SPIDR: variants seen among roughly 807,000 people sequenced by gnomAD.
SPIDR encodes the protein DNA repair-scaffolding protein.
A neutral mutation model predicts 104.6 loss-of-function variants in SPIDR; 93 were observed. The ratio of observed to expected loss-of-function variants is 0.89; its 90% CI spans 0.75 to 1.06. The LOEUF is 1.06. Among genes scored for constraint, SPIDR ranks in the 50% least tolerant of loss-of-function variants. The pLI, the probability that SPIDR is intolerant of heterozygous loss-of-function variation, is 0.00. For synonymous variants in SPIDR, 431 were observed against 416.9 expected, an observed-to-expected ratio of 1.03 and a Z score of -0.41; for missense variants, 1,154 against 1,111.2, an observed-to-expected ratio of 1.04 and a Z score of -0.55.
chr8:47,488,555 C>G lies in SPIDR; in HGVS notation c.1097+48013C>G, dbSNP rs191246649. On this transcript the variant is annotated intron_variant, in intron 8 of 19. Transcript: ENST00000297423. ...CCTGGCAGAGACACACAAAAAAAGA[C>G]AATTTTAGACCAATATCCCTGATGA... Among the ~76,000 whole-genome samples the G allele has an allele frequency of 2.2e-3, 331 of 152,170 alleles. 1 individual carries two copies. The highest frequency in any genetic ancestry group is 7.7e-3 in the African/African-American group (321 of 41,536).
chr8:47,388,763 T>C (rs1554649760), intron 5 of SPIDR, among the ~76,000 whole-genome samples: 1 of 152,192 alleles, frequency 6.6e-6, no homozygotes, highest in African/African-American at 2.4e-5. Context: ...CAGAGACATA[T>C]TTGTTCTCTG....
At chr8:47,623,927 A>G (rs2065565890) in intron 10 of SPIDR, among the ~76,000 whole-genome samples, 1 of 152,240 alleles carries the variant, frequency 6.6e-6, no homozygotes, top group Admixed American at 6.5e-5. Flanking sequence ...AATCAACAGA[A>G]TATACATTCT....
chr8:47,443,624 A>AT (rs1239704715), intron 8 of SPIDR, among the ~76,000 whole-genome samples: 1 of 150,674 alleles, frequency 6.6e-6, no homozygotes, highest in Non-Finnish European at 1.5e-5. Flanking sequence ...AACCAAAATA[A>AT]TTTTTTAAAG....
intron 5 of SPIDR, among the ~76,000 whole-genome samples, chr8:47,352,289 A>AAG (rs1554622940): frequency 4.4e-4 from 67 of 151,924 alleles, no homozygotes; most frequent in Non-Finnish European, 8.0e-4. Context: ...AAAAAAAAAA[A>AAG]AAAGAAAGAA....
At chr8:47,491,826 G>A (rs1351986579) in intron 8 of SPIDR, among the ~76,000 whole-genome samples, 3 of 152,050 alleles carry the variant, frequency 2.0e-5, no homozygotes, top group African/African-American at 7.2e-5. Context: ...TCCAGCCTGG[G>A]CAACATAGTG....
At chr8:47,321,842 G>A (rs1021688691) in intron 5 of SPIDR, among the ~76,000 whole-genome samples, 1 of 152,140 alleles carries the variant, frequency 6.6e-6, no homozygotes, top group African/African-American at 2.4e-5. Flanking sequence ...CAAGAAATGG[G>A]AAAACGATTC....
intron 8 of SPIDR, among the ~76,000 whole-genome samples, chr8:47,587,405 G>C (rs2060362650): frequency 6.6e-6 from 1 of 151,864 alleles, no homozygotes; most frequent in Middle Eastern, 3.4e-3. Context: ...GGACTTCAAG[G>C]CCAGTCTGGC....
At chr8:47,488,271 G>C (rs1281270765) in intron 8 of SPIDR, among the ~76,000 whole-genome samples, 1 of 152,098 alleles carries the variant, frequency 6.6e-6, no homozygotes, top group Non-Finnish European at 1.5e-5. Context: ...ATAAATTCCT[G>C]GACACATACA....
intron 7 of SPIDR, among the ~76,000 whole-genome samples, chr8:47,427,191 A>T (rs2066547242): frequency 6.6e-6 from 1 of 151,450 alleles, no homozygotes; most frequent in Admixed American, 6.6e-5. Context: ...TTCACATTAT[A>T]TAATGGGTTG....
intron 8 of SPIDR, among the ~76,000 whole-genome samples, chr8:47,582,908 ACG>A (rs1164897077): frequency 2.6e-5 from 4 of 151,610 alleles, no homozygotes; most frequent in African/African-American, 9.7e-5. Context: ...ACACACACAC[ACG>A]TATATTTTTA....
intron 8 of SPIDR, among the ~76,000 whole-genome samples, chr8:47,593,801 TGCTGACACCACCCTG>T (rs1045980001): frequency 3.9e-5 from 6 of 152,176 alleles, no homozygotes; most frequent in South Asian, 2.1e-4. Context: ...GCTAAGCCTC[TGCTGACACCACCCTG>T]GCTGGGAGGG....
At chr8:47,455,034 C>G (rs1554708934) in intron 8 of SPIDR, among the ~76,000 whole-genome samples, 2 of 151,714 alleles carry the variant, frequency 1.3e-5, no homozygotes, top group African/African-American at 4.8e-5. Context: ...AATTTGAAGC[C>G]AAAAGAAAAA....
intron 8 of SPIDR, among the ~76,000 whole-genome samples, chr8:47,594,176 A>G (rs2154421808): frequency 7.7e-6 from 1 of 129,932 alleles, no homozygotes; most frequent in Non-Finnish European, 1.6e-5. Flanking sequence ...CCTGGTCACC[A>G]TGATGAAACC....
chr8:47,698,652 T>A (rs1029144593), intron 11 of SPIDR, among the ~76,000 whole-genome samples: 1 of 152,248 alleles, frequency 6.6e-6, no homozygotes, highest in African/African-American at 2.4e-5. Flanking sequence ...AGAACTTTCC[T>A]ATGGCTGTGT....
At chr8:47,494,238 T>C (rs1269753318) in intron 8 of SPIDR, among the ~76,000 whole-genome samples, 1 of 151,980 alleles carries the variant, frequency 6.6e-6, no homozygotes, top group African/African-American at 2.4e-5. Flanking sequence ...TCCTCCTGCC[T>C]CAGCCTCCTA....
intron 10 of SPIDR, among the ~76,000 whole-genome samples, chr8:47,655,102 A>G (rs1036401335): frequency 1.3e-5 from 2 of 152,174 alleles, no homozygotes; most frequent in South Asian, 2.1e-4. Context: ...TATATGTGCC[A>G]CATTTTCTTA....
chr8:47,329,934 C>T (rs1288511637), intron 5 of SPIDR, among the ~76,000 whole-genome samples: 4 of 152,148 alleles, frequency 2.6e-5, no homozygotes, highest in South Asian at 2.1e-4. Context: ...AGTACAATTA[C>T]GTACATATTT....
At chr8:47,298,488 T>C (rs1392527683) in intron 5 of SPIDR, among the ~76,000 whole-genome samples, 1 of 152,228 alleles carries the variant, frequency 6.6e-6, no homozygotes, top group African/African-American at 2.4e-5. Context: ...TTGGCTTTTG[T>C]TGCCATTGCT....
intron 10 of SPIDR, among the ~76,000 whole-genome samples, chr8:47,650,252 A>C (rs997891642): frequency 6.6e-6 from 1 of 152,230 alleles, no homozygotes; most frequent in Admixed American, 6.5e-5. Context: ...CAAATTCAGC[A>C]GAGTCTTAGA....
Sources: allele counts gnomAD v4.1 joint callset (sites outside exome capture counted in the v4.1 genomes callset), GRCh38; gene constraint gnomAD v4.1.1; transcripts MANE v1.5; gene names NCBI Gene and HGNC (gene_info 2026-07-23, HGNC 2026-07-21).